Variants in RBBP8 observed in about 807,000 individuals in gnomAD.
RBBP8 encodes the protein DNA endonuclease RBBP8.
RBBP8 carries 88 observed loss-of-function variants against 108.3 expected under a neutral mutation model. That is an observed-to-expected ratio of 0.81 (90% CI 0.68 to 0.97). RBBP8 has a LOEUF of 0.97. Ranked by LOEUF, RBBP8 falls within the 50% of genes least tolerant of loss-of-function variation. RBBP8 has a pLI of 0.00. For missense variants in RBBP8, 1,023 were observed against 1,049.0 expected (o/e 0.98, Z 0.34); for synonymous variants, 332 against 348.2 (o/e 0.95, Z 0.52).
chr18:22,977,070 G>T (rs777904577), intron 6 of RBBP8, among the ~76,000 whole-genome samples: 7 of 152,084 alleles, frequency 4.6e-5, no homozygotes, highest in Non-Finnish European at 7.4e-5. Context: ...GACATGCTTA[G>T]TCAAAAGAGT....
chr18:22,954,637 G>T (rs1912348922), intron 4 of RBBP8, among the ~76,000 whole-genome samples: 1 of 152,130 alleles, frequency 6.6e-6, no homozygotes, highest in African/African-American at 2.4e-5. Context: ...GGTGTTTCTG[G>T]GGTCTGGAGG....
rs770808313 is a variant in RBBP8, at chr18:23,016,882, GAGA to G, written c.2417_2419del (p.Arg806del). The G allele has an allele frequency of 1.2e-6, 2 of 1,613,916 alleles. No homozygotes were observed. The highest frequency in any genetic ancestry group is 2.2e-5 in the East Asian group (1 of 44,846). On this transcript the variant is annotated inframe_deletion, in exon 17 of 19. Transcript: ENST00000327155. ...TTGAGGTGGTTCGGAAAAAAGAGGA[GAGA>G]AGAAAACTGCTTGGGCACACGTGTA...
intron 3 of RBBP8, chr18:22,920,994 C>G (rs1909573210): frequency 6.6e-6 from 1 of 152,174 alleles, no homozygotes; most frequent in South Asian, 2.1e-4. Context: ...TTACAAATGA[C>G]TAATACAATT....
Position 23,026,196 on chromosome 18 carries a change from T to A in RBBP8, c.2650T>A (p.Tyr884Asn), listed in dbSNP as rs754103698. Reference sequence around the variant, plus strand: ...TCCTCGTCCAAAAAGACGTCAGCCTTACAACGCAATATTTTCTCCAAAAGG... The same window carrying A: ...TCCTCGTCCAAAAAGACGTCAGCCTAACAACGCAATATTTTCTCCAAAAGG... ...PCPRPKRRQP[Y>N]NAIFSPKGKE... The change falls in exon 19 of 19, where the codon TAC (tyrosine) becomes AAC (asparagine). Residue 884 changes from tyrosine to asparagine, a missense_variant. Tyr to Asn is a moderately radical substitution (Grantham distance 143, BLOSUM62 -2). Coordinates refer to ENST00000327155, the MANE Select transcript of RBBP8 (RefSeq NM_002894.3). 1 of 1,613,888 alleles carries A rather than the reference T, an allele frequency of 6.2e-7. No homozygotes were observed. The highest frequency in any genetic ancestry group is 1.1e-5 in the South Asian group (1 of 91,066).
chr18:22,946,939 G>A (rs986050266), intron 3 of RBBP8, among the ~76,000 whole-genome samples: 2 of 151,998 alleles, frequency 1.3e-5, no homozygotes, highest in East Asian at 1.9e-4. Flanking sequence ...ACTCCTTTTA[G>A]GTAGTTTGAA....
At chr18:23,012,893 A>C (rs1379784630) in intron 16 of RBBP8, among the ~76,000 whole-genome samples, 3 of 152,166 alleles carry the variant, frequency 2.0e-5, no homozygotes, top group Non-Finnish European at 4.4e-5. Context: ...GTTTGGGTTA[A>C]TGCGCTGGTG....
intron 14 of RBBP8, 68 bp downstream of exon 14, chr18:22,997,802 C>T: frequency 9.4e-7 from 1 of 1,061,266 alleles, no homozygotes; most frequent in Non-Finnish European, 1.4e-6. Flanking sequence ...TGTACCATTG[C>T]ACTGATTAGC....
intron 4 of RBBP8, among the ~76,000 whole-genome samples, chr18:22,964,497 C>T (rs1426068520): frequency 6.6e-6 from 1 of 150,696 alleles, no homozygotes; most frequent in East Asian, 1.9e-4. Context: ...AACTCCTATT[C>T]TTTATATGAT....
chr18:23,001,909 A>T (rs968426484), intron 15 of RBBP8, among the ~76,000 whole-genome samples, 180 bp downstream of exon 15: 3 of 152,106 alleles, frequency 2.0e-5, no homozygotes, highest in Non-Finnish European at 4.4e-5. Context: ...AGTTCCAGAA[A>T]ATTTTTCAGC....
Position 23,016,862 on chromosome 18 carries a change from G to A in RBBP8, c.2392G>A (p.Val798Met). The part of the protein sequence containing the change: ...TSLQNFPHIE[V>M]VRKKEERRKL... ...CTTGCAAAATTTTCCTCATATTGAG[G>A]TGGTTCGGAAAAAAGAGGAGAGAAG... is the stretch of plus-strand genomic sequence containing the variant. Residue 798 changes from valine to methionine, a missense_variant, in exon 17 of 19, where the codon GTG becomes ATG. Transcript: ENST00000327155. 6.2e-7 allele frequency: 1 copy of A among 1,613,862 alleles called. No individual in the cohort carries two copies.
intron 4 of RBBP8, among the ~76,000 whole-genome samples, chr18:22,959,867 T>C (rs1178013946): frequency 8.0e-6 from 1 of 125,254 alleles, no homozygotes; most frequent in Non-Finnish European, 1.8e-5. Context: ...TAAGATGAAC[T>C]TTCTTTTTTT....
intron 16 of RBBP8, among the ~76,000 whole-genome samples, chr18:23,016,439 A>G (rs1401998266): frequency 6.6e-6 from 1 of 152,036 alleles, no homozygotes; most frequent in East Asian, 1.9e-4. Context: ...AGCTACGCAG[A>G]AGGCTGAGGC....
intron 3 of RBBP8, among the ~76,000 whole-genome samples, chr18:22,923,102 T>G (rs1909661708): frequency 6.6e-6 from 1 of 152,342 alleles, no homozygotes; most frequent in African/African-American, 2.4e-5. Flanking sequence ...CTATCTACCG[T>G]TAACAACAGT....
At chr18:22,928,675 CT>C (rs202034700), upstream of RBBP8, among the ~76,000 whole-genome samples, 176 of 145,184 alleles carry the variant, frequency 1.2e-3, no homozygotes, top group Middle Eastern at 3.6e-3. Flanking sequence ...GCCTTTTTTT[CT>C]TTTTTTTTTT....
At chr18:22,998,743 T>C (rs1366664958) in intron 14 of RBBP8, among the ~76,000 whole-genome samples, 1 of 152,248 alleles carries the variant, frequency 6.6e-6, no homozygotes, top group East Asian at 1.9e-4. Flanking sequence ...TTGAATCTAC[T>C]TATCTACTGC....
chr18:22,954,495 G>C (rs557483664), intron 4 of RBBP8, among the ~76,000 whole-genome samples: 1 of 152,190 alleles, frequency 6.6e-6, no homozygotes, highest in Non-Finnish European at 1.5e-5. Flanking sequence ...CAAGAGGTGG[G>C]TTCCCACAGT....
intron 3 of RBBP8, among the ~76,000 whole-genome samples, chr18:22,948,923 A>T (rs1457746086): frequency 6.6e-6 from 1 of 152,234 alleles, no homozygotes. Context: ...TTTGGAAGGT[A>T]ATCAGGTTTA....
chr18:23,008,700 C>A (rs891952195), intron 16 of RBBP8, among the ~76,000 whole-genome samples: 4 of 151,422 alleles, frequency 2.6e-5, no homozygotes, highest in Admixed American at 2.6e-4. Context: ...GCTAGGGTTG[C>A]ACTTTAGTCA....
chr18:22,935,979 G>C (rs778689987), intron 1 of RBBP8, among the ~76,000 whole-genome samples: 2 of 152,068 alleles, frequency 1.3e-5, no homozygotes, highest in Non-Finnish European at 2.9e-5. Context: ...TAATACATCA[G>C]TCAACTGTCT....
Sources: allele counts gnomAD v4.1 joint callset (sites outside exome capture counted in the v4.1 genomes callset), GRCh38; gene constraint gnomAD v4.1.1; transcripts MANE v1.5; gene names NCBI Gene and HGNC (gene_info 2026-07-23, HGNC 2026-07-21).